The following RGS5 variants were observed in gnomAD, a reference collection of about 807,000 sequenced individuals.
RGS5 encodes the protein regulator of G protein signaling 5.
A neutral mutation model predicts 18.9 loss-of-function variants in RGS5; 20 were observed. The observed-to-expected ratio is 1.06, with a 90% CI of 0.74 to 1.54. The LOEUF (loss-of-function observed/expected upper bound fraction) is 1.54. Among genes scored for constraint, RGS5 ranks in the 40% most tolerant of loss-of-function variants. The pLI is 0.00. For missense variants in RGS5, 201 were observed against 211.8 expected, an observed-to-expected ratio of 0.95 and a Z score of 0.32; for synonymous variants, 57 against 76.2, an observed-to-expected ratio of 0.75 and a Z score of 1.31.
chr1:163,257,117 A>G (rs187721666), intron 2 of RGS5, among the ~76,000 whole-genome samples: 39 of 152,314 alleles, frequency 2.6e-4, no homozygotes, highest in African/African-American at 8.7e-4. Context: ...CTTTTCATCA[A>G]GGAGCTGACA....
intron 2 of RGS5, among the ~76,000 whole-genome samples, chr1:163,263,019 C>G (rs1167637039): frequency 1.3e-5 from 2 of 152,136 alleles, no homozygotes; most frequent in African/African-American, 2.4e-5. Context: ...TCAGCTAAGT[C>G]TGCTTCCTAC....
chr1:163,256,973 A>T (rs1474363637), intron 2 of RGS5, among the ~76,000 whole-genome samples: 1 of 152,190 alleles, frequency 6.6e-6, no homozygotes, highest in African/African-American at 2.4e-5. Context: ...TTTCCCTTTT[A>T]TCTGTGCTCA....
chr1:163,151,194 A>G (rs372804901), intron 4 of RGS5, among the ~76,000 whole-genome samples: 32 of 152,182 alleles, frequency 2.1e-4, no homozygotes, highest in Middle Eastern at 3.2e-3. Context: ...CTGGGCTTTA[A>G]TAGTCAATCA....
intron 1 of RGS5, among the ~76,000 whole-genome samples, chr1:163,170,153 C>CA (rs1483173342): frequency 6.6e-6 from 1 of 152,172 alleles, no homozygotes; most frequent in Non-Finnish European, 1.5e-5. Flanking sequence ...TACCCTTTCC[C>CA]AGTCACCTTA....
intron 2 of RGS5, among the ~76,000 whole-genome samples, chr1:163,251,749 A>G (rs969603133): frequency 1.3e-5 from 2 of 152,200 alleles, no homozygotes; most frequent in Non-Finnish European, 2.9e-5. Context: ...TGTTATATAA[A>G]TGGAATCATA....
chr1:163,320,519 T>C (rs1650164583), intron 1 of RGS5, among the ~76,000 whole-genome samples: 2 of 152,180 alleles, frequency 1.3e-5, no homozygotes, highest in Admixed American at 6.5e-5. Flanking sequence ...GTGCTCTCAG[T>C]CACTACGCTA....
chr1:163,163,785 A>G lies in RGS5; in HGVS notation c.156-1809T>C, dbSNP rs79156012. 9.3e-3 allele frequency among the ~76,000 whole-genome samples: 1,418 copies of G among 152,310 alleles called. 16 individuals carry two copies. The highest frequency in any genetic ancestry group is 0.036 in the South Asian group (174 of 4,818). ...GCAGCAGGACATTAAATTATTAGAC[A>G]AAAGAAAGTAGCTCAGAGCAAGAGG... On this transcript the variant is annotated intron_variant, in intron 2 of 4. Transcript: ENST00000313961.
Position 163,143,286 on chromosome 1 carries a change from C to G in RGS5, c.*4056G>C, listed in dbSNP as rs1656995985. 1 of 152,108 alleles carries G rather than the reference C, an allele frequency of 6.6e-6. No individual in the cohort carries two copies. Among genetic ancestry groups the G allele is most frequent in the Non-Finnish European group, 1.5e-5 (1 of 68,006 alleles). The allele number at this position is 152,108 out of a possible 1,614,324, so 9.4% of individuals were successfully genotyped here. ...CCAGAGAGGTTTAATAGCAGTTGAG[C>G]CAGCATAAACCAAGATGCACCAAAC... On this transcript the variant is annotated 3_prime_UTR_variant, in exon 5 of 5. Coordinates refer to ENST00000313961, the MANE Select transcript of RGS5 (RefSeq NM_003617.4).
chr1:163,195,027 T>C (rs1339596652), intron 1 of RGS5, among the ~76,000 whole-genome samples: 2 of 152,156 alleles, frequency 1.3e-5, no homozygotes, highest in East Asian at 1.9e-4. Flanking sequence ...GAAAACAGTA[T>C]AGGGATTCCT....
chr1:163,194,426 T>A (rs532006618), intron 1 of RGS5, among the ~76,000 whole-genome samples: 7 of 152,224 alleles, frequency 4.6e-5, no homozygotes, highest in Non-Finnish European at 1.0e-4. Context: ...GTGTCCCAAT[T>A]CAGAATAAGA....
At chr1:163,297,765 T>A (rs1360689384) in intron 2 of RGS5, among the ~76,000 whole-genome samples, 1 of 152,136 alleles carries the variant, frequency 6.6e-6, no homozygotes, top group Non-Finnish European at 1.5e-5. Context: ...AGAGAGAAAA[T>A]TAGTTTTTCT....
intron 2 of RGS5, among the ~76,000 whole-genome samples, chr1:163,167,447 C>T (rs1189151612): frequency 2.6e-5 from 4 of 152,078 alleles, no homozygotes; most frequent in Admixed American, 6.6e-5. Context: ...TGATGATGAA[C>T]GATGGGAATG....
chr1:163,316,785 C>T (rs16852462), intron 1 of RGS5, among the ~76,000 whole-genome samples: 1 of 152,064 alleles, frequency 6.6e-6, no homozygotes, highest in Admixed American at 6.5e-5. Context: ...ATATATTCAA[C>T]AAAAAGAAAA....
chr1:163,199,461 C>G (rs1488775255), intron 1 of RGS5, among the ~76,000 whole-genome samples: 1 of 152,040 alleles, frequency 6.6e-6, no homozygotes, highest in Non-Finnish European at 1.5e-5. Context: ...AAAAGTTAAT[C>G]TTTGTTAATT....
chr1:163,201,502 C>A (rs1184087432), intron 1 of RGS5, among the ~76,000 whole-genome samples: 2 of 151,934 alleles, frequency 1.3e-5, no homozygotes, highest in East Asian at 1.9e-4. Flanking sequence ...TAATAATATT[C>A]TATGCTTTTA....
At chr1:163,170,804 G>C (rs1163670340) in intron 1 of RGS5, among the ~76,000 whole-genome samples, 2 of 152,092 alleles carry the variant, frequency 1.3e-5, no homozygotes, top group African/African-American at 4.8e-5. Flanking sequence ...GCTCAGCACG[G>C]CATTAGGGTA....
In RGS5 at chr1:163,273,670, C is replaced by T. The variant is rs187386795; in HGVS notation, c.-281+32563G>A. ...TTCTTCTAAATCTAACATATAGGAC[C>T]ACTCAGAGACAGTTTATATGAACTG... On this transcript the variant is annotated intron_variant, in intron 2 of 5. Coordinates refer to the RGS5 transcript ENST00000618415. 2.8e-3 allele frequency among the ~76,000 whole-genome samples: 420 copies of T among 152,194 alleles called. 3 individuals are homozygous for T. Among genetic ancestry groups the T allele is most frequent in the African/African-American group, 9.7e-3 (402 of 41,524 alleles).
At chr1:163,247,994 C>T (rs895197465) in intron 2 of RGS5, among the ~76,000 whole-genome samples, 3 of 152,070 alleles carry the variant, frequency 2.0e-5, no homozygotes, top group Non-Finnish European at 4.4e-5. Context: ...CTGTTTCTCC[C>T]GTGGAAAAGA....
intron 3 of RGS5, among the ~76,000 whole-genome samples, chr1:163,160,671 T>C (rs893406144): frequency 6.6e-6 from 1 of 152,196 alleles, no homozygotes; most frequent in African/African-American, 2.4e-5. Flanking sequence ...GGAATGTTCA[T>C]ATACAATTCA....
Sources: allele counts gnomAD v4.1 joint callset (sites outside exome capture counted in the v4.1 genomes callset), GRCh38; gene constraint gnomAD v4.1.1; transcripts MANE v1.5; gene names NCBI Gene and HGNC (gene_info 2026-07-23, HGNC 2026-07-21).